Variants in ST8SIA4 observed in about 807,000 individuals in gnomAD.
ST8SIA4 encodes the protein ST8 alpha-N-acetyl-neuraminide alpha-2,8-sialyltransferase 4.
ST8SIA4 carries 15 observed loss-of-function variants against 33.9 expected under a neutral mutation model. The observed-to-expected ratio is 0.44, with a 90% CI of 0.30 to 0.68. The LOEUF (loss-of-function observed/expected upper bound fraction) is 0.68. Ranked by LOEUF, ST8SIA4 falls within the 30% of genes least tolerant of loss-of-function variation. The pLI is 0.10. For synonymous variants in ST8SIA4, 171 were observed against 151.2 expected (o/e 1.13, Z -0.96); for missense variants, 321 against 428.0 (o/e 0.75, Z 2.21).
chr5:100,864,773 A>G (rs1222624355), intron 3 of ST8SIA4, among the ~76,000 whole-genome samples: 2 of 152,142 alleles, frequency 1.3e-5, no homozygotes, highest in Non-Finnish European at 2.9e-5. Context: ...GCACATAGCA[A>G]TATCAGTGAG....
intron 4 of ST8SIA4, among the ~76,000 whole-genome samples, chr5:100,815,262 A>C (rs890171547): frequency 1.3e-5 from 2 of 151,988 alleles, no homozygotes; most frequent in Non-Finnish European, 2.9e-5. Flanking sequence ...CATCCACATA[A>C]GGATAATTAC....
intron 3 of ST8SIA4, among the ~76,000 whole-genome samples, chr5:100,881,356 A>T (rs1297270846): frequency 1.3e-5 from 2 of 152,202 alleles, no homozygotes; most frequent in Non-Finnish European, 2.9e-5. Context: ...ATTTTAGTTC[A>T]TCTGAGGTCA....
At chr5:100,882,600 T>C (rs1048065721) in intron 3 of ST8SIA4, among the ~76,000 whole-genome samples, 5 of 152,228 alleles carry the variant, frequency 3.3e-5, no homozygotes, top group Non-Finnish European at 1.5e-5. Flanking sequence ...CCAAGGCATG[T>C]CAGAGGTCTT....
At chr5:100,889,320 G>A (rs962177187) in intron 2 of ST8SIA4, among the ~76,000 whole-genome samples, 1 of 151,914 alleles carries the variant, frequency 6.6e-6, no homozygotes, top group African/African-American at 2.4e-5. Context: ...AGACTACACG[G>A]ATGTGGTTAA....
chr5:100,874,617 C>A (rs1752266950), intron 3 of ST8SIA4, among the ~76,000 whole-genome samples: 1 of 151,720 alleles, frequency 6.6e-6, no homozygotes, highest in African/African-American at 2.4e-5. Context: ...CTTGTTCTTG[C>A]TCTTTTATGC....
intron 4 of ST8SIA4, chr5:100,849,248 C>G (rs867371097): frequency 1.0e-6 from 1 of 984,676 alleles, no homozygotes; most frequent in Non-Finnish European, 1.2e-6. Flanking sequence ...GGAATCTATA[C>G]GATTATATAC....
intron 1 of ST8SIA4, among the ~76,000 whole-genome samples, chr5:100,897,047 A>C (rs549424305): frequency 6.6e-6 from 1 of 152,292 alleles, no homozygotes; most frequent in South Asian, 2.1e-4. Flanking sequence ...GGATCAAGTA[A>C]GGCTCTGCAT....
intron 3 of ST8SIA4, among the ~76,000 whole-genome samples, chr5:100,876,740 G>T (rs1268228426): frequency 6.6e-6 from 1 of 151,852 alleles, no homozygotes; most frequent in Non-Finnish European, 1.5e-5. Flanking sequence ...TTACTCTTAT[G>T]ATTATTTTTC....
intron 4 of ST8SIA4, chr5:100,849,053 G>T: frequency 1.2e-6 from 1 of 820,640 alleles, no homozygotes; most frequent in African/African-American, 1.9e-5. Context: ...TGACTTTAAA[G>T]AAGAAATACT....
intron 3 of ST8SIA4, among the ~76,000 whole-genome samples, chr5:100,874,510 T>C (rs1045415480): frequency 1.1e-4 from 17 of 151,980 alleles, no homozygotes; most frequent in Non-Finnish European, 2.2e-4. Context: ...TCTCTGTGCC[T>C]TTTCCTCTCT....
Position 100,829,377 on chromosome 5 carries a change from A to AT in ST8SIA4, c.798-17249dup, listed in dbSNP as rs200845504. The stretch of plus-strand genomic sequence containing the variant: ...CAAGCACCTATATATTATTTGATCT[A>AT]TTTTTTCCCTTCACTCCTCCCAACT... On this transcript the variant is annotated intron_variant, in intron 4 of 4. Transcript: ENST00000231461. Among the ~76,000 whole-genome samples, 1,346 of 152,158 alleles carry AT rather than the reference A, an allele frequency of 8.8e-3. 5 individuals carry two copies. Among genetic ancestry groups the AT allele is most frequent in the African/African-American group, 0.015 (624 of 41,530 alleles).
At chr5:100,893,898 C>A (rs943416862) in intron 2 of ST8SIA4, among the ~76,000 whole-genome samples, 2 of 152,044 alleles carry the variant, frequency 1.3e-5, no homozygotes, top group African/African-American at 2.4e-5. Flanking sequence ...GCTTACAGAT[C>A]AAATTTTTGC....
intron 3 of ST8SIA4, among the ~76,000 whole-genome samples, chr5:100,884,856 A>G (rs571795644): frequency 6.6e-6 from 1 of 152,330 alleles, no homozygotes; most frequent in Non-Finnish European, 1.5e-5. Flanking sequence ...GGCTAAATCT[A>G]ACAACTTGGC....
chr5:100,831,716 C>T (rs1325294016), intron 4 of ST8SIA4, among the ~76,000 whole-genome samples: 2 of 152,040 alleles, frequency 1.3e-5, no homozygotes, highest in African/African-American at 4.8e-5. Flanking sequence ...AATTATTGTC[C>T]ATCAGGCCCA....
intron 3 of ST8SIA4, among the ~76,000 whole-genome samples, chr5:100,860,037 C>A (rs977792106): frequency 2.6e-5 from 4 of 152,058 alleles, no homozygotes; most frequent in African/African-American, 9.7e-5. Flanking sequence ...TTGTATGTAT[C>A]TGTGCTAGGT....
At chr5:100,840,670 A>T (rs1017497721) in intron 4 of ST8SIA4, among the ~76,000 whole-genome samples, 1 of 151,706 alleles carries the variant, frequency 6.6e-6, no homozygotes, top group African/African-American at 2.4e-5. Context: ...TGCCTATATT[A>T]TCTCCTGACT....
At chr5:100,869,742 T>C (rs1446720672) in intron 3 of ST8SIA4, among the ~76,000 whole-genome samples, 1 of 152,198 alleles carries the variant, frequency 6.6e-6, no homozygotes, top group Non-Finnish European at 1.5e-5. Flanking sequence ...ATTCTTAACA[T>C]GATGTCATGA....
At chr5:100,826,961 TAC>T (rs528367578) in intron 4 of ST8SIA4, among the ~76,000 whole-genome samples, 37,850 of 147,350 alleles carry the variant, frequency 0.26, 5,280 homozygotes, top group Non-Finnish European at 0.32. Flanking sequence ...TGTGTGTATA[TAC>T]ACACACACAC....
At chr5:100,839,208 G>C (rs1468112918) in intron 4 of ST8SIA4, among the ~76,000 whole-genome samples, 1 of 151,774 alleles carries the variant, frequency 6.6e-6, no homozygotes, top group East Asian at 1.9e-4. Context: ...AATTTCACTT[G>C]TTTTCTGGGT....
Sources: allele counts gnomAD v4.1 joint callset (sites outside exome capture counted in the v4.1 genomes callset), GRCh38; gene constraint gnomAD v4.1.1; transcripts MANE v1.5; gene names NCBI Gene and HGNC (gene_info 2026-07-23, HGNC 2026-07-21).